The following KLF5 variants were observed in gnomAD, a reference collection of about 807,000 sequenced individuals.
KLF5 encodes Krueppel-like factor 5.
In KLF5, 9 loss-of-function variants were observed where a neutral mutation model predicts 36.9. The observed-to-expected ratio is 0.24, with a 90% CI of 0.15 to 0.43. KLF5 has a LOEUF of 0.43. Ranked by LOEUF, KLF5 falls within the 20% of genes least tolerant of loss-of-function variation. The probability of loss-of-function intolerance (pLI) is 1.00; values close to 1 mark genes in which losing one functional copy is unlikely to be tolerated. For synonymous variants in KLF5, 246 were observed against 241.7 expected (o/e 1.02, Z -0.17); for missense variants, 524 against 599.5 (o/e 0.87, Z 1.31).
At position 73,076,085 on chromosome 13, in the gene KLF5, A is replaced by C; in HGVS notation, c.*199A>C. 2.3e-6 allele frequency: 1 copy of C among 426,786 alleles called. No individual in the cohort carries two copies. Among genetic ancestry groups the C allele is most frequent in the East Asian group, 3.7e-5 (1 of 26,824 alleles). 26.4% of individuals were successfully genotyped at this position (426,786 alleles called of 1,614,324 possible). Reference sequence around the variant, plus strand: ...TGTTTGGTCATTTTAAGAATCTGGAATGCTTGCTGTAATGTATATGGCTTT... The same window carrying C: ...TGTTTGGTCATTTTAAGAATCTGGACTGCTTGCTGTAATGTATATGGCTTT... On this transcript the variant is annotated 3_prime_UTR_variant, in exon 4 of 4. Coordinates refer to ENST00000377687, the MANE Select transcript of KLF5 (RefSeq NM_001730.5).
rs980215117 is a variant in KLF5, at chr13:73,059,402, G to C, written c.75G>C (p.Pro25=). The change falls in exon 1 of 4, where the codon CCG becomes CCC. Residue 25 remains proline, a synonymous_variant. Transcript: ENST00000377687. ...VPQPPAPQDE[P]VFAQLKPVLG... is the part of the protein sequence containing the mutation. ...AGCCGCCGGCGCCGCAGGACGAGCC[G>C]GTGTTCGCGCAGCTCAAGCCGGTGC... The C allele has an allele frequency of 7.1e-7, 1 of 1,399,478 alleles. No homozygotes were observed. Among genetic ancestry groups the C allele is most frequent in the Admixed American group, 2.9e-5 (1 of 34,454 alleles). 86.7% of individuals were successfully genotyped at this position (1,399,478 alleles called of 1,614,324 possible). A position where few individuals can be genotyped will look rare whatever the true frequency, so the allele number is the denominator to read the frequency against.
At chr13:73,064,238 A>G (rs2044662880) in intron 3 of KLF5, among the ~76,000 whole-genome samples, 1 of 152,196 alleles carries the variant, frequency 6.6e-6, no homozygotes. Context: ...ATAGCAAATA[A>G]TTTTGCTCTG....
intron 1 of KLF5, among the ~76,000 whole-genome samples, chr13:73,061,603 A>G (rs1371987382): frequency 6.6e-6 from 1 of 152,120 alleles, no homozygotes; most frequent in Non-Finnish European, 1.5e-5. Flanking sequence ...TTTCTTTTTT[A>G]TTCTTGATTT....
rs965067264 is a variant in KLF5 at position 73,076,212 on chromosome 13, A to C, written c.*326A>C. The C allele has an allele frequency of 1.2e-4, 26 of 218,618 alleles. No individual in the cohort carries two copies. Among genetic ancestry groups the C allele is most frequent in the Non-Finnish European group, 2.1e-4 (24 of 111,978 alleles). 13.5% of individuals were successfully genotyped at this position (218,618 alleles called of 1,614,324 possible). A position where few individuals can be genotyped will look rare whatever the true frequency, so the allele number is the denominator to read the frequency against. On this transcript the variant is annotated 3_prime_UTR_variant, in exon 4 of 4. Transcript: ENST00000377687. The stretch of plus-strand genomic sequence containing the variant: ...GCAGCGTTTTTACCTAGGCACCATC[A>C]TTTAATGTGACAGTGTTCAGTAAAC...
At chr13:73,062,875 A>T (rs769698743) in intron 2 of KLF5, 141 bp downstream of exon 2, 13 of 150,914 alleles carry the variant, frequency 8.6e-5, no homozygotes, top group South Asian at 1.5e-4. Flanking sequence ...ACTTGACAGT[A>T]AAAAAAAAAA....
chr13:73,071,866 C>A (rs1347439062), intron 3 of KLF5, among the ~76,000 whole-genome samples: 1 of 152,078 alleles, frequency 6.6e-6, no homozygotes, highest in Non-Finnish European at 1.5e-5. Context: ...ATTTTAAGTT[C>A]TTTGAGGCCA....
chr13:73,063,959 G>A (rs981976207), intron 3 of KLF5, 76 bp downstream of exon 3: 5 of 791,558 alleles, frequency 6.3e-6, no homozygotes, highest in African/African-American at 1.8e-5. Context: ...AAGCTAACAC[G>A]TGTTTGATCT....
intron 3 of KLF5, among the ~76,000 whole-genome samples, chr13:73,066,936 A>G (rs890142758): frequency 7.2e-5 from 11 of 152,236 alleles, no homozygotes; most frequent in Admixed American, 2.0e-4. Context: ...TTTTATTTAT[A>G]TCTGTACATA....
intron 3 of KLF5, among the ~76,000 whole-genome samples, chr13:73,070,856 T>C (rs986634028): frequency 6.6e-6 from 1 of 152,186 alleles, no homozygotes; most frequent in African/African-American, 2.4e-5. Flanking sequence ...CTCACCTAAA[T>C]GCGTATTACC....
rs2044610598 is a variant in KLF5, at chr13:73,059,319, C to T, written c.-9C>T. The T allele has an allele frequency of 7.3e-7, 1 of 1,371,364 alleles. No individual in the cohort carries two copies. Among genetic ancestry groups the T allele is most frequent in the African/African-American group, 1.5e-5 (1 of 66,082 alleles). The allele number at this position is 1,371,364 out of a possible 1,614,324, so 84.9% of individuals were successfully genotyped here. A position where few individuals can be genotyped will look rare whatever the true frequency, so the allele number is the denominator to read the frequency against. Reference sequence around the variant, plus strand: ...CGACCCGCGCCTGGAGCTGCGCCCCCGAGTGCCCATGGCTACAAGGGTGCT... The same window carrying T: ...CGACCCGCGCCTGGAGCTGCGCCCCTGAGTGCCCATGGCTACAAGGGTGCT... On this transcript the variant is annotated 5_prime_UTR_variant, in exon 1 of 4. Transcript: ENST00000377687.
chr13:73,071,698 C>G (rs553986408), intron 3 of KLF5, among the ~76,000 whole-genome samples: 3 of 152,234 alleles, frequency 2.0e-5, no homozygotes, highest in African/African-American at 7.2e-5. Context: ...TGGGAAAAAT[C>G]TAATTATTAT....
rs2044608027 is a variant in KLF5, at chr13:73,059,160, T to C, written c.-168T>C. The C allele has an allele frequency of 1.9e-6, 1 of 523,018 alleles. No homozygotes were observed. Among genetic ancestry groups the C allele is most frequent in the East Asian group, 3.6e-5 (1 of 27,838 alleles). 32.4% of individuals were successfully genotyped at this position (523,018 alleles called of 1,614,324 possible). ...TTACGTGTGGAAGAGCGGAAGAGTT[T>C]TGCTTTTCGTGCGCGCCTTCGAAAA... is the stretch of plus-strand genomic sequence containing the variant. On this transcript the variant is annotated 5_prime_UTR_variant, in exon 1 of 4. Transcript: ENST00000377687.
chr13:73,074,019 C>T (rs1555337399), intron 3 of KLF5, among the ~76,000 whole-genome samples: 1 of 151,956 alleles, frequency 6.6e-6, no homozygotes, highest in Non-Finnish European at 1.5e-5. Flanking sequence ...GGAATTAAAA[C>T]AAAAACTGTC....
chr13:73,071,433 C>G (rs1238904633), intron 3 of KLF5, among the ~76,000 whole-genome samples: 1 of 152,156 alleles, frequency 6.6e-6, no homozygotes, highest in Non-Finnish European at 1.5e-5. Flanking sequence ...TATGGACCTT[C>G]TGTTCCAAGT....
Position 73,076,161 on chromosome 13 carries a change from A to AGGGGTG in KLF5, c.*283_*288dup, listed in dbSNP as rs1566567789. ...AGGCAGCCACGTCTCAACATGGGTA[A>AGGGGTG]GGGGTGGGGGTGGAGGGGAGTGTGT... On this transcript the variant is annotated 3_prime_UTR_variant, in exon 4 of 4. Transcript: ENST00000377687. The AGGGGTG allele has an allele frequency of 6.1e-6, 1 of 163,300 alleles. No homozygotes were observed. The highest frequency in any genetic ancestry group is 1.3e-5 in the Non-Finnish European group (1 of 77,510). 10.1% of individuals were successfully genotyped at this position (163,300 alleles called of 1,614,324 possible). A position where few individuals can be genotyped will look rare whatever the true frequency, so the allele number is the denominator to read the frequency against.
At chr13:73,061,769 G>A in intron 1 of KLF5, 92 bp from the exon 2 acceptor site, 2 of 1,202,360 alleles carry the variant, frequency 1.7e-6, no homozygotes, top group Non-Finnish European at 1.2e-6. Flanking sequence ...CTTACACAGG[G>A]ATTGGGGGAA....
chr13:73,067,608 A>G (rs1254608614), intron 3 of KLF5, among the ~76,000 whole-genome samples: 1 of 152,006 alleles, frequency 6.6e-6, no homozygotes, highest in Admixed American at 6.6e-5. Flanking sequence ...CCCCCGTTTC[A>G]GCTATCTGGA....
rs938864025 is a variant in KLF5 at position 73,059,423 on chromosome 13, G to A, written c.96G>A (p.Pro32=). ...QDEPVFAQLK[P]VLGAANPARD... Reference sequence around the variant, plus strand: ...AGCCGGTGTTCGCGCAGCTCAAGCCGGTGCTGGGCGCCGCGAATCCGGCCC... The same window carrying A: ...AGCCGGTGTTCGCGCAGCTCAAGCCAGTGCTGGGCGCCGCGAATCCGGCCC... Residue 32 remains proline (P), a synonymous_variant, in exon 1 of 4, where the codon CCG becomes CCA. Coordinates refer to ENST00000377687, the MANE Select transcript of KLF5 (RefSeq NM_001730.5). 4.4e-5 allele frequency: 58 copies of A among 1,312,286 alleles called. No individual in the cohort carries two copies. The African/African-American group carries it at 7.5e-4, about 17-fold the overall frequency. The allele number at this position is 1,312,286 out of a possible 1,614,324, so 81.3% of individuals were successfully genotyped here. A position where few individuals can be genotyped will look rare whatever the true frequency, so the allele number is the denominator to read the frequency against.
chr13:73,062,516 G>T lies in KLF5; in HGVS notation c.917G>T (p.Ser306Ile), dbSNP rs1376582069. The change falls in exon 2 of 4, where the codon AGC (serine) becomes ATC (isoleucine). Residue 306 changes from serine (S) to isoleucine (I), a missense_variant. Ser to Ile is a moderately radical substitution (Grantham distance 142, BLOSUM62 -2). Coordinates refer to ENST00000377687, the MANE Select transcript of KLF5 (RefSeq NM_001730.5). ...ACTTACTTTCCCCCGTCACCACCAA[G>T]CTCAGAGCCTGGAAGTCCAGATAGA... is the stretch of plus-strand genomic sequence containing the variant. ...QATYFPPSPP[S>I]SEPGSPDRQA... The T allele has an allele frequency of 6.2e-7, 1 of 1,614,160 alleles. No individual in the cohort carries two copies.
Sources: gnomAD v4.1 joint callset for allele counts (sites outside exome capture counted in the v4.1 genomes callset) on GRCh38, gnomAD v4.1.1 for gene constraint, MANE v1.5 for transcripts, NCBI Gene and HGNC (gene_info 2026-07-23, HGNC 2026-07-21) for gene names.